EML5: variants seen among roughly 807,000 people sequenced by gnomAD.
EML5 encodes echinoderm microtubule-associated protein-like 5.
Under a neutral mutation model 250.0 loss-of-function variants are expected in EML5, and 120 were observed. That is an observed-to-expected ratio of 0.48 (90% CI 0.41 to 0.56). The LOEUF (loss-of-function observed/expected upper bound fraction) is 0.56, where lower values mean the gene tolerates loss of function less well. Among genes scored for constraint, EML5 ranks in the 20% least tolerant of loss-of-function variants. The pLI is 0.00. For missense variants in EML5, 2,006 were observed against 2,437.6 expected, an observed-to-expected ratio of 0.82 and a Z score of 3.73; for synonymous variants, 771 against 806.5, an observed-to-expected ratio of 0.96 and a Z score of 0.75.
chr14:88,718,599 C>T (rs2093540185), intron 8 of EML5, among the ~76,000 whole-genome samples: 2 of 152,020 alleles, frequency 1.3e-5, no homozygotes, highest in Non-Finnish European at 2.9e-5. Flanking sequence ...GTTTTAGGGA[C>T]ATAGGGTACA....
chr14:88,790,293 C>A (rs1246425993), intron 1 of EML5, among the ~76,000 whole-genome samples: 1 of 152,134 alleles, frequency 6.6e-6, no homozygotes, highest in East Asian at 1.9e-4. Context: ...CATTGTTATA[C>A]ATTAAAGATG....
intron 1 of EML5, among the ~76,000 whole-genome samples, chr14:88,763,579 A>G (rs1353418649): frequency 6.6e-6 from 1 of 152,328 alleles, no homozygotes; most frequent in South Asian, 2.1e-4. Context: ...TCAAAGATAC[A>G]AAGAGGAGCT....
intron 2 of EML5, 78 bp from the exon 3 acceptor site, chr14:88,746,361 G>A (rs1195338659): frequency 3.5e-6 from 4 of 1,155,912 alleles, no homozygotes; most frequent in Non-Finnish European, 5.1e-6. Context: ...AAATAGCAAA[G>A]AAATTATACT....
chr14:88,634,393 A>G, intron 33 of EML5, 76 bp downstream of exon 33: 1 of 969,908 alleles, frequency 1.0e-6, no homozygotes, highest in Non-Finnish European at 1.5e-6. Context: ...GGACTAATAT[A>G]CTTGAACTTA....
intron 1 of EML5, among the ~76,000 whole-genome samples, chr14:88,769,662 G>C (rs1388034585): frequency 1.3e-5 from 2 of 152,158 alleles, no homozygotes; most frequent in East Asian, 3.9e-4. Flanking sequence ...ACGCCAGATT[G>C]TCTCAACTAG....
chr14:88,758,019 ATTT>A (rs59074536), intron 1 of EML5, among the ~76,000 whole-genome samples: 1 of 129,238 alleles, frequency 7.7e-6, no homozygotes, highest in Non-Finnish European at 1.6e-5. Context: ...CACCTGTCTA[ATTT>A]TTTTTTTTTT....
At chr14:88,749,488 A>T (rs2094058587) in intron 2 of EML5, among the ~76,000 whole-genome samples, 1 of 152,142 alleles carries the variant, frequency 6.6e-6, no homozygotes, top group African/African-American at 2.4e-5. Context: ...CAACTTACAC[A>T]TATGAGAGTG....
chr14:88,668,499 G>A (rs1415724697), intron 21 of EML5, among the ~76,000 whole-genome samples: 1 of 152,160 alleles, frequency 6.6e-6, no homozygotes, highest in Non-Finnish European at 1.5e-5. Context: ...TGAGAACCAG[G>A]AAGTGATCAA....
At chr14:88,651,701 A>C (rs532279194) in intron 27 of EML5, among the ~76,000 whole-genome samples, 2 of 151,952 alleles carry the variant, frequency 1.3e-5, no homozygotes, top group African/African-American at 2.4e-5. Context: ...TTCTAATTAG[A>C]ATATTTAAAT....
chr14:88,671,625 C>T (rs1034452451), intron 21 of EML5, among the ~76,000 whole-genome samples: 3 of 152,112 alleles, frequency 2.0e-5, no homozygotes, highest in African/African-American at 7.2e-5. Flanking sequence ...TAAAGAGTCA[C>T]AACCCACTGG....
rs375270780 is a variant in EML5 at position 88,640,480 on chromosome 14, A to C, written c.4238-1573T>G. On this transcript the variant is annotated intron_variant, in intron 31 of 43. Coordinates refer to ENST00000554922, the MANE Select transcript of EML5 (RefSeq NM_183387.3). ...GGTAAACAATGAAATTAAGGCAAAAATTTAAAAAAAATCTTCAAAGTAGAT... is the reference window on the plus strand; with the variant it reads ...GGTAAACAATGAAATTAAGGCAAAACTTTAAAAAAAATCTTCAAAGTAGAT... 2.6e-5 allele frequency among the ~76,000 whole-genome samples: 4 copies of C among 152,312 alleles called. No homozygotes were observed. In the South Asian group the frequency reaches 8.3e-4, roughly 32 times the overall value.
At chr14:88,618,362 T>C (rs1337161190) in intron 40 of EML5, 31 bp from the exon 41 acceptor site, 1 of 1,589,138 alleles carries the variant, frequency 6.3e-7, no homozygotes, top group Non-Finnish European at 8.6e-7. Flanking sequence ...GGGACAAGAA[T>C]TCCATTAGGT....
intron 21 of EML5, among the ~76,000 whole-genome samples, chr14:88,669,274 G>A (rs996800898): frequency 6.6e-6 from 1 of 152,212 alleles, no homozygotes; most frequent in African/African-American, 2.4e-5. Flanking sequence ...GACTGCCGAA[G>A]ACTACCAAGT....
rs1207238072 is a variant in EML5, at chr14:88,702,430, A to G, written c.2238+16T>C. On this transcript the variant is annotated intron_variant, in intron 14 of 43. Coordinates refer to ENST00000554922, the MANE Select transcript of EML5 (RefSeq NM_183387.3). The stretch of plus-strand genomic sequence containing the variant: ...GGTGTAGCTTATCTGGCTTATTGTC[A>G]GTCTTTCAAACCTACCTGGCCTGTT... The G allele has an allele frequency of 2.5e-6, 4 of 1,585,806 alleles. No individual in the cohort carries two copies. The highest frequency in any genetic ancestry group is 3.4e-6 in the Non-Finnish European group (4 of 1,167,260).
chr14:88,781,687 G>C (rs1326678302), intron 1 of EML5, among the ~76,000 whole-genome samples: 2 of 152,162 alleles, frequency 1.3e-5, no homozygotes, highest in Non-Finnish European at 2.9e-5. Context: ...GAGTTCCCAT[G>C]AGATCTGATG....
chr14:88,732,569 G>C (rs1451969405), intron 7 of EML5, among the ~76,000 whole-genome samples: 1 of 152,086 alleles, frequency 6.6e-6, no homozygotes, highest in Non-Finnish European at 1.5e-5. Flanking sequence ...GATTCCATAT[G>C]AACTTTAGTT....
intron 21 of EML5, among the ~76,000 whole-genome samples, chr14:88,674,505 G>A (rs893733753): frequency 1.3e-5 from 2 of 152,058 alleles, no homozygotes; most frequent in African/African-American, 4.8e-5. Flanking sequence ...TCACTATCAC[G>A]AGAACAGCAC....
chr14:88,772,475 C>T (rs546064927), intron 1 of EML5, among the ~76,000 whole-genome samples: 8 of 152,328 alleles, frequency 5.3e-5, no homozygotes, highest in Admixed American at 4.6e-4. Context: ...GATATACCTT[C>T]GGCCGGACGA....
chr14:88,643,563 G>C (rs1473616896), intron 30 of EML5, among the ~76,000 whole-genome samples: 1 of 152,060 alleles, frequency 6.6e-6, no homozygotes, highest in Non-Finnish European at 1.5e-5. Context: ...TGTGGATTTT[G>C]GCATCCCCAG....
Sources: gnomAD v4.1 joint callset for allele counts (sites outside exome capture counted in the v4.1 genomes callset) on GRCh38, gnomAD v4.1.1 for gene constraint, MANE v1.5 for transcripts, NCBI Gene and HGNC (gene_info 2026-07-23, HGNC 2026-07-21) for gene names.